The following GRID2 variants were observed in gnomAD, a reference collection of about 807,000 sequenced individuals.
GRID2 encodes the protein glutamate receptor ionotropic, delta-2.
A neutral mutation model predicts 114.8 loss-of-function variants in GRID2; 33 were observed. That is an observed-to-expected ratio of 0.29 (90% CI 0.22 to 0.38). The LOEUF is 0.38. GRID2 is among the 10% of genes least tolerant of loss of function. GRID2 has a pLI of 1.00. For missense variants in GRID2, 1,184 were observed against 1,257.7 expected, an observed-to-expected ratio of 0.94 and a Z score of 0.89; for synonymous variants, 505 against 449.9, an observed-to-expected ratio of 1.12 and a Z score of -1.55.
intron 2 of GRID2, among the ~76,000 whole-genome samples, chr4:92,613,304 A>G (rs1018479218): frequency 1.3e-5 from 2 of 151,342 alleles, no homozygotes; most frequent in African/African-American, 4.8e-5. Flanking sequence ...TTTTTTACAT[A>G]TTACTGAATT....
chr4:93,561,190 T>C (rs1285522503), intron 13 of GRID2, among the ~76,000 whole-genome samples: 1 of 152,164 alleles, frequency 6.6e-6, no homozygotes, highest in African/African-American at 2.4e-5. Context: ...ATGAGTATAA[T>C]GAGTGCATGC....
intron 2 of GRID2, among the ~76,000 whole-genome samples, chr4:92,746,652 C>T (rs1737162329): frequency 6.6e-6 from 1 of 152,086 alleles, no homozygotes; most frequent in Admixed American, 6.5e-5. Flanking sequence ...TACGTACTTA[C>T]AGAATGTTTC....
chr4:93,276,299 C>T (rs1179061154), intron 8 of GRID2, among the ~76,000 whole-genome samples: 1 of 151,980 alleles, frequency 6.6e-6, no homozygotes, highest in African/African-American at 2.4e-5. Context: ...AATTCAATTT[C>T]ATCAGTACAT....
intron 13 of GRID2, among the ~76,000 whole-genome samples, chr4:93,603,235 G>T (rs1017174103): frequency 6.6e-6 from 1 of 151,990 alleles, no homozygotes; most frequent in Admixed American, 6.6e-5. Context: ...GAAAAGAAAA[G>T]AAAAGAACGT....
At chr4:93,333,319 G>A (rs2149233173) in intron 8 of GRID2, among the ~76,000 whole-genome samples, 1 of 152,274 alleles carries the variant, frequency 6.6e-6, no homozygotes, top group South Asian at 2.1e-4. Context: ...AGGTGATGTT[G>A]ATGCTGCTGG....
At chr4:93,265,272 A>T (rs546470004) in intron 8 of GRID2, among the ~76,000 whole-genome samples, 30 of 152,242 alleles carry the variant, frequency 2.0e-4, no homozygotes, top group African/African-American at 7.2e-4. Context: ...AAAATGTTTT[A>T]AAATATTTAT....
At chr4:92,921,761 G>C (rs1225258085) in intron 2 of GRID2, among the ~76,000 whole-genome samples, 1 of 152,162 alleles carries the variant, frequency 6.6e-6, no homozygotes, top group Non-Finnish European at 1.5e-5. Context: ...GCCCCTACTG[G>C]GGAATGCCAC....
At chr4:92,845,384 T>C (rs1185806952) in intron 2 of GRID2, among the ~76,000 whole-genome samples, 1 of 152,136 alleles carries the variant, frequency 6.6e-6, no homozygotes, top group Non-Finnish European at 1.5e-5. Context: ...CTTTCATTCA[T>C]GAAATATCTG....
intron 1 of GRID2, among the ~76,000 whole-genome samples, chr4:92,493,861 T>G (rs1723264790): frequency 6.6e-6 from 1 of 152,172 alleles, no homozygotes; most frequent in Non-Finnish European, 1.5e-5. Context: ...AGTTAAACAC[T>G]TTCCTCAAAA....
At chr4:92,397,740 C>T (rs1425901671) in intron 1 of GRID2, among the ~76,000 whole-genome samples, 1 of 151,946 alleles carries the variant, frequency 6.6e-6, no homozygotes, top group Non-Finnish European at 1.5e-5. Context: ...ACAATAGCAA[C>T]CCAAAATACA....
At chr4:92,798,455 A>T (rs916700631) in intron 2 of GRID2, among the ~76,000 whole-genome samples, 17 of 152,068 alleles carry the variant, frequency 1.1e-4, no homozygotes, top group Non-Finnish European at 2.5e-4. Flanking sequence ...TCTTTCTGGT[A>T]TTACCATTAT....
intron 14 of GRID2, among the ~76,000 whole-genome samples, chr4:93,746,820 T>C (rs1212009984): frequency 6.6e-6 from 1 of 152,098 alleles, no homozygotes; most frequent in East Asian, 1.9e-4. Flanking sequence ...TTTCTGGTGA[T>C]AATGTCTATT....
chr4:93,676,588 A>C (rs1724878321), intron 14 of GRID2, among the ~76,000 whole-genome samples: 1 of 152,164 alleles, frequency 6.6e-6, no homozygotes, highest in African/African-American at 2.4e-5. Context: ...TGTGTAACAT[A>C]ATACAATGAT....
chr4:92,444,198 C>T (rs976564745), intron 1 of GRID2, among the ~76,000 whole-genome samples: 1 of 152,134 alleles, frequency 6.6e-6, no homozygotes, highest in Non-Finnish European at 1.5e-5. Flanking sequence ...GTCATGGCAC[C>T]AAAATTCATG....
chr4:92,585,722 A>C (rs1728403247), intron 1 of GRID2, among the ~76,000 whole-genome samples: 1 of 151,842 alleles, frequency 6.6e-6, no homozygotes, highest in South Asian at 2.1e-4. Flanking sequence ...TTTTTTCTCT[A>C]CTATCTTATC....
At chr4:93,133,558 C>T (rs1270461366) in intron 4 of GRID2, among the ~76,000 whole-genome samples, 1 of 152,000 alleles carries the variant, frequency 6.6e-6, no homozygotes. Context: ...TTTGAGAATG[C>T]ACTTTGGGAA....
chr4:93,168,144 C>G (rs6825178), intron 4 of GRID2, among the ~76,000 whole-genome samples: 6,083 of 151,512 alleles, frequency 0.04, 393 homozygotes, highest in African/African-American at 0.14. Context: ...TGCGGTGAGC[C>G]GTGATTGAGA....
intron 13 of GRID2, among the ~76,000 whole-genome samples, chr4:93,615,756 T>C (rs1221810248): frequency 1.3e-5 from 2 of 152,112 alleles, no homozygotes; most frequent in Admixed American, 6.5e-5. Flanking sequence ...TTTGAAGTAG[T>C]TGTATTTTTT....
chr4:93,429,838 A>G (rs1769229877), intron 10 of GRID2, among the ~76,000 whole-genome samples: 1 of 152,224 alleles, frequency 6.6e-6, no homozygotes, highest in Non-Finnish European at 1.5e-5. Flanking sequence ...CTAGTATAAC[A>G]CTAGGCTTTT....
Sources: allele counts gnomAD v4.1 joint callset (sites outside exome capture counted in the v4.1 genomes callset), GRCh38; gene constraint gnomAD v4.1.1; transcripts MANE v1.5; gene names NCBI Gene and HGNC (gene_info 2026-07-23, HGNC 2026-07-21).